CHST11: variants seen among roughly 807,000 people sequenced by gnomAD.
The protein encoded by CHST11 is C4S-1.
Under a neutral mutation model 30.4 loss-of-function variants are expected in CHST11, and 9 were observed. The observed-to-expected ratio is 0.30, with a 90% CI of 0.18 to 0.52. The LOEUF (loss-of-function observed/expected upper bound fraction) is 0.52. CHST11 is among the 20% of genes least tolerant of loss of function. The probability of loss-of-function intolerance (pLI) is 0.97; values close to 1 mark genes in which losing one functional copy is unlikely to be tolerated. For missense variants in CHST11, 348 were observed against 460.6 expected, an observed-to-expected ratio of 0.76 and a Z score of 2.24; for synonymous variants, 152 against 187.8, an observed-to-expected ratio of 0.81 and a Z score of 1.56.
rs79681302 is a variant in CHST11, at chr12:104,735,704, T to C, written c.205-21245T>C. ...GAGAAATCACAGGGGTCCAGTGCCC[T>C]GCATGGGACAGGGCTGCTGAGAGAC... On this transcript the variant is annotated intron_variant, in intron 2 of 2. Transcript: ENST00000303694. 2.4e-3 allele frequency among the ~76,000 whole-genome samples: 366 copies of C among 152,306 alleles called. 2 individuals are homozygous for C. Among genetic ancestry groups the C allele is most frequent in the African/African-American group, 8.1e-3 (335 of 41,572 alleles).
At chr12:104,735,126 G>C (rs2040290491) in intron 2 of CHST11, among the ~76,000 whole-genome samples, 1 of 152,218 alleles carries the variant, frequency 6.6e-6, no homozygotes, top group African/African-American at 2.4e-5. Context: ...TAAACAGACA[G>C]TTACAGTATG....
rs147480406 is a variant in CHST11 at position 104,602,067 on chromosome 12, G to A, written c.204+76G>A. On this transcript the variant is annotated intron_variant, in intron 2 of 2. Transcript: ENST00000303694. ...TGGATACTAAAAACTCTAAAATTGT[G>A]GTCTTTGGGGGATTTAAAACTTCCT... is the stretch of plus-strand genomic sequence containing the variant. The A allele has an allele frequency of 4.1e-4, 429 of 1,038,956 alleles. 5 individuals are homozygous for A. The Admixed American group carries it at 8.2e-3, about 20-fold the overall frequency. The allele number at this position is 1,038,956 out of a possible 1,614,324, so 64.4% of individuals were successfully genotyped here.
chr12:104,637,959 G>A (rs1345582580), intron 2 of CHST11, among the ~76,000 whole-genome samples: 1 of 152,190 alleles, frequency 6.6e-6, no homozygotes, highest in Admixed American at 6.5e-5. Flanking sequence ...TGAGGACAGG[G>A]ACTCCTTACA....
At chr12:104,607,041 A>G (rs1263464271) in intron 2 of CHST11, among the ~76,000 whole-genome samples, 2 of 152,198 alleles carry the variant, frequency 1.3e-5, no homozygotes, top group African/African-American at 2.4e-5. Context: ...CCTGGGTGAT[A>G]GAGTGAGACT....
chr12:104,466,939 A>G (rs1233371234), intron 1 of CHST11, among the ~76,000 whole-genome samples: 2 of 152,208 alleles, frequency 1.3e-5, no homozygotes, highest in Non-Finnish European at 2.9e-5. Flanking sequence ...CAAAGATACA[A>G]TGGAGAGCTA....
At chr12:104,737,060 T>G (rs1320802969) in intron 2 of CHST11, among the ~76,000 whole-genome samples, 1 of 152,246 alleles carries the variant, frequency 6.6e-6, no homozygotes, top group Non-Finnish European at 1.5e-5. Context: ...TTATGGGATA[T>G]TCTGCCTCAG....
At chr12:104,749,083 G>C (rs2040410913) in intron 2 of CHST11, among the ~76,000 whole-genome samples, 1 of 152,198 alleles carries the variant, frequency 6.6e-6, no homozygotes, top group African/African-American at 2.4e-5. Context: ...TGTGGTATGT[G>C]TGAAAGTGTT....
chr12:104,469,647 G>A (rs1478362167), intron 1 of CHST11, among the ~76,000 whole-genome samples: 1 of 152,178 alleles, frequency 6.6e-6, no homozygotes, highest in Non-Finnish European at 1.5e-5. Flanking sequence ...CTGTATAGGG[G>A]TCAGTCCTTC....
chr12:104,457,664 C>A, intron 1 of CHST11, 135 bp downstream of exon 1: 1 of 719,932 alleles, frequency 1.4e-6, no homozygotes, highest in Non-Finnish European at 2.5e-6. Flanking sequence ...CTGCCCAGAG[C>A]TCCTGGCTGC....
At chr12:104,727,258 T>C (rs542265905) in intron 2 of CHST11, among the ~76,000 whole-genome samples, 57 of 152,368 alleles carry the variant, frequency 3.7e-4, no homozygotes, top group African/African-American at 1.3e-3. Context: ...GGGGCCTACA[T>C]TCAAGATCCT....
intron 2 of CHST11, among the ~76,000 whole-genome samples, chr12:104,696,454 T>C (rs972788771): frequency 8.6e-6 from 1 of 116,004 alleles, no homozygotes; most frequent in Non-Finnish European, 1.6e-5. Flanking sequence ...CTGGCCAACA[T>C]GGTGAAACCC....
In CHST11 at chr12:104,565,414, G is replaced by A. The variant is rs560249423; in HGVS notation, c.119-36492G>A. 5.3e-5 allele frequency among the ~76,000 whole-genome samples: 8 copies of A among 151,848 alleles called. No individual in the cohort carries two copies. The South Asian group carries it at 1.3e-3, about 24-fold the overall frequency. On this transcript the variant is annotated intron_variant, in intron 1 of 2. Transcript: ENST00000303694. Reference sequence around the variant, plus strand: ...CCCGAGTAGCTGGGACTACAGGTACGTGCCACCATGCTGGGCTAATTTCTG... The same window carrying A: ...CCCGAGTAGCTGGGACTACAGGTACATGCCACCATGCTGGGCTAATTTCTG...
At chr12:104,471,105 G>A (rs6419387) in intron 1 of CHST11, among the ~76,000 whole-genome samples, 71,791 of 151,946 alleles carry the variant, frequency 0.47, 19,143 homozygotes, top group African/African-American at 0.72. Flanking sequence ...TACCTCTTGT[G>A]TTACCATCCA....
chr12:104,698,513 C>T (rs1339065472), intron 2 of CHST11, among the ~76,000 whole-genome samples: 9 of 152,284 alleles, frequency 5.9e-5, no homozygotes, highest in Admixed American at 2.6e-4. Context: ...CTACAGTGCG[C>T]GCTCTGTAAT....
chr12:104,642,874 T>G (rs1026001768), intron 2 of CHST11, among the ~76,000 whole-genome samples: 1 of 152,164 alleles, frequency 6.6e-6, no homozygotes, highest in Non-Finnish European at 1.5e-5. Flanking sequence ...ATTAAGAAAT[T>G]ATGCAACTAG....
At chr12:104,677,827 C>T (rs2039756631) in intron 2 of CHST11, among the ~76,000 whole-genome samples, 1 of 152,246 alleles carries the variant, frequency 6.6e-6, no homozygotes, top group Non-Finnish European at 1.5e-5. Flanking sequence ...GCCTTCCAGC[C>T]CCACCTCATA....
At chr12:104,568,392 G>A (rs1394185265) in intron 1 of CHST11, among the ~76,000 whole-genome samples, 1 of 152,164 alleles carries the variant, frequency 6.6e-6, no homozygotes, top group Non-Finnish European at 1.5e-5. Flanking sequence ...CCCTGCCATG[G>A]GATGGGAACA....
intron 1 of CHST11, among the ~76,000 whole-genome samples, chr12:104,529,205 C>T (rs899516471): frequency 3.3e-5 from 5 of 152,206 alleles, no homozygotes; most frequent in Non-Finnish European, 5.9e-5. Flanking sequence ...TTACTCTTTG[C>T]TGGAGAGATT....
At chr12:104,488,519 ATC>A (rs1213821474) in intron 1 of CHST11, among the ~76,000 whole-genome samples, 3 of 141,852 alleles carry the variant, frequency 2.1e-5, no homozygotes, top group African/African-American at 8.0e-5. Flanking sequence ...ATGTGTGTGT[ATC>A]TCTGTGTGTA....
Sources: allele counts gnomAD v4.1 joint callset (sites outside exome capture counted in the v4.1 genomes callset), GRCh38; gene constraint gnomAD v4.1.1; transcripts MANE v1.5; gene names NCBI Gene and HGNC (gene_info 2026-07-23, HGNC 2026-07-21).